Variants in ADGRL2 observed in about 807,000 individuals in gnomAD.
The protein encoded by ADGRL2 is adhesion G protein-coupled receptor L2.
ADGRL2 carries 44 observed loss-of-function variants against 157.4 expected under a neutral mutation model. That is an observed-to-expected ratio of 0.28 (90% confidence interval 0.22 to 0.36). The LOEUF is 0.36. ADGRL2 is among the 10% of genes least tolerant of loss of function. The probability of loss-of-function intolerance (pLI) is 1.00; values close to 1 mark genes in which losing one functional copy is unlikely to be tolerated. For synonymous variants in ADGRL2, 585 were observed against 624.7 expected, an observed-to-expected ratio of 0.94 and a Z score of 0.95; for missense variants, 1,510 against 1,768.9, an observed-to-expected ratio of 0.85 and a Z score of 2.63.
At chr1:81,560,433 A>T (rs2080413348) in intron 2 of ADGRL2, among the ~76,000 whole-genome samples, 1 of 152,198 alleles carries the variant, frequency 6.6e-6, no homozygotes, top group Admixed American at 6.5e-5. Flanking sequence ...TCGAATCCTT[A>T]GTGCTGTATC....
intron 1 of ADGRL2, among the ~76,000 whole-genome samples, chr1:81,747,008 ACACG>A (rs1448178938): frequency 1.4e-5 from 2 of 147,658 alleles, no homozygotes; most frequent in Non-Finnish European, 3.0e-5. Context: ...ACGTGTATAC[ACACG>A]TATGTATACA....
At chr1:81,700,182 A>G (rs535737535) in intron 1 of ADGRL2, among the ~76,000 whole-genome samples, 2 of 152,348 alleles carry the variant, frequency 1.3e-5, no homozygotes, top group South Asian at 2.1e-4. Flanking sequence ...AATCATAACG[A>G]TATCTTAATT....
At chr1:81,642,693 A>G (rs1300517811) in intron 3 of ADGRL2, among the ~76,000 whole-genome samples, 3 of 152,218 alleles carry the variant, frequency 2.0e-5, no homozygotes, top group Non-Finnish European at 4.4e-5. Context: ...AAATATTGGC[A>G]CACCAAATCC....
chr1:81,564,848 G>C (rs2080523774), intron 2 of ADGRL2, among the ~76,000 whole-genome samples: 1 of 152,074 alleles, frequency 6.6e-6, no homozygotes, highest in Admixed American at 6.6e-5. Flanking sequence ...TATATGTCTG[G>C]CTGCAGAAAA....
At chr1:81,965,651 T>G (rs541260998) in intron 11 of ADGRL2, among the ~76,000 whole-genome samples, 1 of 152,198 alleles carries the variant, frequency 6.6e-6, no homozygotes, top group Non-Finnish European at 1.5e-5. Flanking sequence ...CAAGTAATGG[T>G]CATTGAAAAG....
At chr1:81,585,226 A>T (rs1296047461) in intron 3 of ADGRL2, among the ~76,000 whole-genome samples, 1 of 152,166 alleles carries the variant, frequency 6.6e-6, no homozygotes, top group Non-Finnish European at 1.5e-5. Context: ...TTTATTAAAG[A>T]CATTTTAAAC....
chr1:81,470,485 T>G lies in ADGRL2; in HGVS notation c.-248+25396T>G, dbSNP rs116265141. On this transcript the variant is annotated intron_variant, in intron 2 of 24. Coordinates refer to the ADGRL2 transcript ENST00000370721. ...CCTTTTTCAAGTTCCACATTTTCAT[T>G]TGCTAGGTCACCACCTTGAATTTTC... Among the ~76,000 whole-genome samples the G allele has an allele frequency of 2.2e-3, 333 of 152,312 alleles. 2 individuals are homozygous for G. The highest frequency in any genetic ancestry group is 7.7e-3 in the African/African-American group (321 of 41,562).
intron 3 of ADGRL2, among the ~76,000 whole-genome samples, chr1:81,660,434 T>C (rs2082626864): frequency 6.6e-6 from 1 of 152,158 alleles, no homozygotes; most frequent in South Asian, 2.1e-4. Context: ...ATAAAGCTAA[T>C]AAAACCAGCA....
At chr1:81,324,819 C>A (rs1444669760) in intron 1 of ADGRL2, among the ~76,000 whole-genome samples, 2 of 152,036 alleles carry the variant, frequency 1.3e-5, no homozygotes, top group Non-Finnish European at 2.9e-5. Flanking sequence ...CAGGTTCAAG[C>A]GATTCCCCTG....
chr1:81,815,962 A>G (rs1437906479), intron 1 of ADGRL2, among the ~76,000 whole-genome samples: 1 of 151,764 alleles, frequency 6.6e-6, no homozygotes, highest in Non-Finnish European at 1.5e-5. Flanking sequence ...TTTGGGATTG[A>G]TTTTTAATAA....
intron 2 of ADGRL2, chr1:81,503,346 G>A (rs537375507): frequency 1.9e-6 from 3 of 1,614,042 alleles, no homozygotes; most frequent in African/African-American, 1.3e-5. Context: ...ACCTCATCAC[G>A]GGGTCTGCTC....
intron 3 of ADGRL2, among the ~76,000 whole-genome samples, chr1:81,636,470 C>A (rs2082117154): frequency 6.6e-6 from 1 of 151,972 alleles, no homozygotes. Context: ...ATGGGAAAGT[C>A]TAAAAGCCTT....
At chr1:81,729,608 T>G (rs2084653049) in intron 1 of ADGRL2, among the ~76,000 whole-genome samples, 1 of 152,222 alleles carries the variant, frequency 6.6e-6, no homozygotes, top group South Asian at 2.1e-4. Flanking sequence ...TTCATAATTT[T>G]ATATTTTCCC....
At chr1:81,438,386 C>T (rs1161974799) in intron 1 of ADGRL2, among the ~76,000 whole-genome samples, 1 of 152,130 alleles carries the variant, frequency 6.6e-6, no homozygotes, top group Non-Finnish European at 1.5e-5. Flanking sequence ...ACACATTCAT[C>T]ACTTCCTAAT....
intron 3 of ADGRL2, among the ~76,000 whole-genome samples, chr1:81,908,675 C>T (rs1008675400): frequency 2.0e-5 from 3 of 152,098 alleles, no homozygotes; most frequent in Non-Finnish European, 4.4e-5. Context: ...CTTTCCATTT[C>T]TACCAGCAAT....
intron 2 of ADGRL2, among the ~76,000 whole-genome samples, chr1:81,765,698 A>C (rs1330019467): frequency 2.6e-5 from 4 of 152,076 alleles, no homozygotes. Context: ...GGTTGAATGC[A>C]TATTTATGTT....
At chr1:81,495,023 G>A (rs1212162212) in intron 2 of ADGRL2, among the ~76,000 whole-genome samples, 1 of 152,130 alleles carries the variant, frequency 6.6e-6, no homozygotes, top group Non-Finnish European at 1.5e-5. Context: ...GGATTTCAGA[G>A]TAAAGAATCA....
intron 2 of ADGRL2, among the ~76,000 whole-genome samples, chr1:81,511,869 A>G (rs150437717): frequency 5.3e-5 from 8 of 152,178 alleles, no homozygotes; most frequent in African/African-American, 1.9e-4. Context: ...ACATTTTTCA[A>G]ATTGTTTCAG....
At chr1:81,745,787 T>C (rs1040225263) in intron 1 of ADGRL2, among the ~76,000 whole-genome samples, 2 of 152,204 alleles carry the variant, frequency 1.3e-5, no homozygotes, top group Non-Finnish European at 2.9e-5. Flanking sequence ...AGCGAGCTTG[T>C]AAATTCTTTG....
Sources: allele counts gnomAD v4.1 joint callset (sites outside exome capture counted in the v4.1 genomes callset), GRCh38; gene constraint gnomAD v4.1.1; transcripts MANE v1.5; gene names NCBI Gene and HGNC (gene_info 2026-07-23, HGNC 2026-07-21).